The following KIF5C variants were observed in gnomAD, a reference collection of about 807,000 sequenced individuals.
The protein encoded by KIF5C is kinesin heavy chain isoform 5C.
In KIF5C, 18 loss-of-function variants were observed where a neutral mutation model predicts 125.2. That is an observed-to-expected ratio of 0.14 (90% CI 0.10 to 0.21). The LOEUF (loss-of-function observed/expected upper bound fraction) is 0.21, where lower values mean the gene tolerates loss of function less well. Ranked by LOEUF, KIF5C falls within the 10% of genes least tolerant of loss-of-function variation. The pLI, the probability that KIF5C is intolerant of heterozygous loss-of-function variation, is 1.00. For missense variants in KIF5C, 780 were observed against 1,183.8 expected (o/e 0.66, Z 5.01); for synonymous variants, 405 against 434.0 (o/e 0.93, Z 0.83).
At chr2:148,919,556 T>A (rs4270296) in intron 1 of KIF5C, among the ~76,000 whole-genome samples, 3,017 of 152,212 alleles carry the variant, frequency 0.02, 90 homozygotes, top group African/African-American at 0.063. Flanking sequence ...TGGGGGCTAC[T>A]GGGGAAGGGT....
At chr2:148,884,971 GTTT>G (rs11319928) in intron 1 of KIF5C, among the ~76,000 whole-genome samples, 6 of 104,272 alleles carry the variant, frequency 5.8e-5, no homozygotes, top group Non-Finnish European at 6.2e-5. Context: ...TGTCCTAATT[GTTT>G]TTTTTTTTTT....
intron 2 of KIF5C, among the ~76,000 whole-genome samples, chr2:148,926,603 T>C (rs975970641): frequency 1.3e-5 from 2 of 152,134 alleles, no homozygotes; most frequent in African/African-American, 2.4e-5. Flanking sequence ...CCCCTCTGCC[T>C]GTGGTCGCGG....
In KIF5C at chr2:148,983,606, A is replaced by T; in HGVS notation, c.1570-14A>T. 1 of 1,543,664 alleles carries T rather than the reference A, an allele frequency of 6.5e-7. No individual in the cohort carries two copies. On this transcript the variant is annotated splice_polypyrimidine_tract_variant and intron_variant, in intron 14 of 25. Coordinates refer to ENST00000435030, the MANE Select transcript of KIF5C (RefSeq NM_004522.3). ...GGCAACCCTTTGAATTTGTTGTTGA[A>T]ATTTGTTTTTCAGACTACATTGACA...
intron 1 of KIF5C, among the ~76,000 whole-genome samples, chr2:148,904,987 C>T (rs1681047969): frequency 1.3e-5 from 2 of 152,148 alleles, no homozygotes; most frequent in African/African-American, 2.4e-5. Flanking sequence ...TTTGGAATTT[C>T]CCTCTTAATA....
At chr2:148,966,453 G>A (rs1222524472) in intron 11 of KIF5C, among the ~76,000 whole-genome samples, 2 of 151,972 alleles carry the variant, frequency 1.3e-5, no homozygotes, top group African/African-American at 4.8e-5. Context: ...TACAGATCAG[G>A]TGCAGGCAGA....
intron 3 of KIF5C, among the ~76,000 whole-genome samples, chr2:148,930,239 T>C (rs1477647571): frequency 6.6e-6 from 1 of 152,160 alleles, no homozygotes; most frequent in Admixed American, 6.5e-5. Flanking sequence ...CCAGCTCCAG[T>C]TGTTGGCTGT....
At position 148,969,596 on chromosome 2, in the gene KIF5C, C is replaced by T. The variant is rs74955511; in HGVS notation, c.1118-3740C>T. On this transcript the variant is annotated intron_variant, in intron 11 of 25. Transcript: ENST00000435030. ...CAAAGAGGGAGACTCAAAATAGATG[C>T]TAATCTTCCTTTGGTGGTCTTTTTC... 7.5e-3 allele frequency among the ~76,000 whole-genome samples: 1,147 copies of T among 152,234 alleles called. 13 individuals carry two copies. Among genetic ancestry groups the T allele is most frequent in the African/African-American group, 0.026 (1,087 of 41,534 alleles).
intron 13 of KIF5C, among the ~76,000 whole-genome samples, chr2:148,980,004 C>T (rs966972286): frequency 1.8e-4 from 27 of 152,190 alleles, no homozygotes; most frequent in African/African-American, 5.6e-4. Context: ...CTTTCTGCTT[C>T]GTTGCTGAAA....
intron 17 of KIF5C, among the ~76,000 whole-genome samples, chr2:148,996,864 C>T (rs1432529910): frequency 6.6e-6 from 1 of 152,200 alleles, no homozygotes; most frequent in Non-Finnish European, 1.5e-5. Context: ...CCACAGGCCA[C>T]CTAACAGTCA....
In KIF5C at chr2:148,934,573, ACT is replaced by A. The variant is rs113616520; in HGVS notation, c.292-2708_292-2707del. 6.2e-3 allele frequency among the ~76,000 whole-genome samples: 909 copies of A among 146,966 alleles called. 9 individuals carry two copies. Among genetic ancestry groups the A allele is most frequent in the Non-Finnish European group, 0.01 (674 of 66,440 alleles). The stretch of plus-strand genomic sequence containing the variant: ...CACGCATACACACACACACACACAC[ACT>A]CTGCATACATCATACAGACACAGAC... On this transcript the variant is annotated intron_variant, in intron 3 of 25. Transcript: ENST00000435030.
At chr2:148,921,327 A>G (rs1334266335) in intron 1 of KIF5C, among the ~76,000 whole-genome samples, 3 of 152,228 alleles carry the variant, frequency 2.0e-5, no homozygotes, top group African/African-American at 7.2e-5. Flanking sequence ...TTGTCTTGGA[A>G]GCCTCAACCC....
chr2:148,987,777 T>A (rs1468045054), intron 15 of KIF5C, among the ~76,000 whole-genome samples: 1 of 152,148 alleles, frequency 6.6e-6, no homozygotes, highest in African/African-American at 2.4e-5. Context: ...TGAGGTAGAG[T>A]AAATGAACTG....
At chr2:148,892,515 G>A (rs1322277369) in intron 1 of KIF5C, among the ~76,000 whole-genome samples, 1 of 152,192 alleles carries the variant, frequency 6.6e-6, no homozygotes, top group African/African-American at 2.4e-5. Context: ...CATCTCTGTT[G>A]CTTGCCCTTG....
intron 1 of KIF5C, among the ~76,000 whole-genome samples, chr2:148,904,702 C>T (rs1449894503): frequency 6.6e-6 from 1 of 152,094 alleles, no homozygotes; most frequent in African/African-American, 2.4e-5. Flanking sequence ...TTTCTAAAAG[C>T]ATGTGGAATG....
chr2:148,954,850 A>T (rs1682754679), intron 10 of KIF5C, among the ~76,000 whole-genome samples: 1 of 152,190 alleles, frequency 6.6e-6, no homozygotes, highest in South Asian at 2.1e-4. Context: ...GAGTAGAATG[A>T]GCATTTTGGC....
chr2:148,897,300 TCTA>T (rs1450971943), intron 1 of KIF5C, among the ~76,000 whole-genome samples: 2 of 152,218 alleles, frequency 1.3e-5, no homozygotes. Flanking sequence ...CTGCTTATGA[TCTA>T]CTAAGTTTAA....
rs747876474 is a variant in KIF5C, at chr2:149,007,999, G to A, written c.2482G>A (p.Ala828Thr). Reference protein sequence around the residue: ...ELDNDDGGGSAAQKQKISFLE... With the variant: ...ELDNDDGGGSTAQKQKISFLE... ...GGACAACGATGATGGAGGGGGCAGT[G>A]CTGCCCAGAAGCAGAAAATTTCCTT... The change falls in exon 23 of 26, where the codon GCT (alanine) becomes ACT (threonine). Residue 828 changes from alanine (A) to threonine (T), a missense_variant. By Grantham distance (58) the Ala-to-Thr change is moderately conservative. This residue lies in a region of KIF5C where 573 missense variants were observed against 742.6 expected (regional missense o/e 0.77). Transcript: ENST00000435030. 1.1e-5 allele frequency: 18 copies of A among 1,611,196 alleles called. No individual in the cohort carries two copies. Among genetic ancestry groups the A allele is most frequent in the Middle Eastern group, 3.3e-4 (2 of 6,062 alleles).
chr2:148,895,658 T>C (rs1216521027), intron 1 of KIF5C, among the ~76,000 whole-genome samples: 1 of 152,218 alleles, frequency 6.6e-6, no homozygotes, highest in Non-Finnish European at 1.5e-5. Context: ...TTAGTTTGCT[T>C]GAACTGTCAA....
In KIF5C at chr2:148,932,694, T is replaced by C. The variant is rs1388813141; in HGVS notation, c.291+3340T>C. ...ATGGATGGAGACACCTTGTGTTTTT[T>C]CTTTCTGCCCCAAGAGACGCTTGGA... On this transcript the variant is annotated intron_variant, in intron 3 of 25. Transcript: ENST00000435030. Among the ~76,000 whole-genome samples the C allele has an allele frequency of 3.9e-5, 6 of 152,338 alleles. No homozygotes were observed. The East Asian group carries it at 7.7e-4, about 20-fold the overall frequency.
Sources: gnomAD v4.1 joint callset for allele counts (sites outside exome capture counted in the v4.1 genomes callset) on GRCh38, gnomAD v4.1.1 for gene constraint, gnomAD v4.1.1 regional missense constraint, MANE v1.5 for transcripts, NCBI Gene and HGNC (gene_info 2026-07-23, HGNC 2026-07-21) for gene names.